The following PHF21B variants were observed in gnomAD, a reference collection of about 807,000 sequenced individuals.
The protein encoded by PHF21B is PHD finger protein 4.
A neutral mutation model predicts 62.2 loss-of-function variants in PHF21B; 22 were observed. That is an observed-to-expected ratio of 0.35 (90% CI 0.25 to 0.51). PHF21B has a LOEUF of 0.51. Ranked by LOEUF, PHF21B falls within the 20% of genes least tolerant of loss-of-function variation. The pLI, the probability that PHF21B is intolerant of heterozygous loss-of-function variation, is 0.97. For synonymous variants in PHF21B, 341 were observed against 314.7 expected, an observed-to-expected ratio of 1.08 and a Z score of -0.88; for missense variants, 701 against 707.9, an observed-to-expected ratio of 0.99 and a Z score of 0.11.
At chr22:45,006,457 C>A (rs1204670023) in intron 2 of PHF21B, among the ~76,000 whole-genome samples, 1 of 152,136 alleles carries the variant, frequency 6.6e-6, no homozygotes, top group Non-Finnish European at 1.5e-5. Flanking sequence ...AAAGGCAGCC[C>A]GGAGTCGGAG....
intron 8 of PHF21B, among the ~76,000 whole-genome samples, chr22:44,890,941 C>T (rs1304145899): frequency 2.0e-5 from 3 of 152,218 alleles, no homozygotes; most frequent in Admixed American, 6.5e-5. Flanking sequence ...GGCTGAGAGG[C>T]GCCAGCCCAG....
At position 44,957,969 on chromosome 22, in the gene PHF21B, C is replaced by A. The variant is rs528926018; in HGVS notation, c.121-37479G>T. On this transcript the variant is annotated intron_variant, in intron 2 of 12. Coordinates refer to ENST00000313237, the MANE Select transcript of PHF21B (RefSeq NM_138415.5). ...CCAGGCTGGAGTGCAATGGCGCGAT[C>A]TCGGCTCACCACAACCTCCACCTCC... Among the ~76,000 whole-genome samples the A allele has an allele frequency of 1.3e-4, 19 of 150,552 alleles. No individual in the cohort carries two copies. In the South Asian group the frequency reaches 4.0e-3, roughly 32 times the overall value.
intron 2 of PHF21B, among the ~76,000 whole-genome samples, chr22:44,964,197 C>T (rs998934779): frequency 2.0e-5 from 3 of 152,232 alleles, no homozygotes; most frequent in East Asian, 1.9e-4. Flanking sequence ...TCAATATACT[C>T]GTTAATATTA....
intron 2 of PHF21B, among the ~76,000 whole-genome samples, chr22:44,934,177 G>T (rs890900305): frequency 7.9e-5 from 12 of 152,164 alleles, no homozygotes; most frequent in Non-Finnish European, 4.4e-5. Context: ...CCTTTGCACG[G>T]GGCTCAGAGT....
intron 2 of PHF21B, among the ~76,000 whole-genome samples, chr22:44,935,284 G>A (rs1057436839): frequency 2.6e-5 from 4 of 152,162 alleles, no homozygotes; most frequent in Non-Finnish European, 5.9e-5. Context: ...TAAACAGGGA[G>A]AACTAACGTT....
At chr22:44,944,056 C>T (rs1429901083) in intron 2 of PHF21B, among the ~76,000 whole-genome samples, 1 of 152,186 alleles carries the variant, frequency 6.6e-6, no homozygotes, top group Non-Finnish European at 1.5e-5. Context: ...CCCTCCTCTA[C>T]CCTCCTGCTG....
intron 2 of PHF21B, among the ~76,000 whole-genome samples, chr22:45,004,515 GT>G (rs559340011): frequency 1.0e-3 from 152 of 152,330 alleles, no homozygotes; most frequent in Non-Finnish European, 1.4e-3. Flanking sequence ...AGCTTTTGGA[GT>G]TGTACTGATT....
At chr22:45,007,081 G>A (rs906247479) in intron 2 of PHF21B, among the ~76,000 whole-genome samples, 5 of 151,910 alleles carry the variant, frequency 3.3e-5, no homozygotes, top group African/African-American at 1.2e-4. Flanking sequence ...TCCACTCCCG[G>A]ACGGGGGCGC....
chr22:44,995,014 TC>T (rs2073097918), intron 2 of PHF21B, among the ~76,000 whole-genome samples: 1 of 152,160 alleles, frequency 6.6e-6, no homozygotes, highest in Non-Finnish European at 1.5e-5. Flanking sequence ...GCCAGCCAGG[TC>T]CCCGGCTCTC....
At chr22:44,916,993 T>G (rs1282277780) in intron 3 of PHF21B, among the ~76,000 whole-genome samples, 2 of 152,214 alleles carry the variant, frequency 1.3e-5, no homozygotes, top group African/African-American at 4.8e-5. Context: ...AAGCCCCCTT[T>G]GGCCTTGGAA....
At chr22:45,004,592 A>C (rs2073280492) in intron 2 of PHF21B, among the ~76,000 whole-genome samples, 1 of 152,202 alleles carries the variant, frequency 6.6e-6, no homozygotes, top group Non-Finnish European at 1.5e-5. Context: ...CAGAGAGATT[A>C]AAATGTACCT....
intron 2 of PHF21B, among the ~76,000 whole-genome samples, chr22:44,964,430 G>A (rs746066490): frequency 1.1e-4 from 16 of 152,278 alleles, no homozygotes; most frequent in South Asian, 4.1e-4. Context: ...GCTCAGGCCC[G>A]GCCATTTGGC....
At chr22:45,005,224 C>T (rs1051976895) in intron 2 of PHF21B, among the ~76,000 whole-genome samples, 1 of 152,238 alleles carries the variant, frequency 6.6e-6, no homozygotes, top group African/African-American at 2.4e-5. Flanking sequence ...CTTCACACAT[C>T]ATATCTTGTT....
At chr22:44,944,659 A>G (rs1317444409) in intron 2 of PHF21B, among the ~76,000 whole-genome samples, 2 of 152,296 alleles carry the variant, frequency 1.3e-5, no homozygotes, top group East Asian at 1.9e-4. Flanking sequence ...TGGTTCCTCT[A>G]TCTGCTAGAT....
chr22:44,959,900 C>T (rs975632009), intron 2 of PHF21B, among the ~76,000 whole-genome samples: 1 of 152,182 alleles, frequency 6.6e-6, no homozygotes, highest in Non-Finnish European at 1.5e-5. Context: ...CTGAGCCAAA[C>T]GTGAGGCAGC....
chr22:44,955,621 C>T (rs1231454087), intron 2 of PHF21B, among the ~76,000 whole-genome samples: 2 of 152,204 alleles, frequency 1.3e-5, no homozygotes, highest in African/African-American at 4.8e-5. Flanking sequence ...CTCCTGCTCT[C>T]AGGCCTCAGA....
At chr22:44,947,762 G>C (rs549413379) in intron 2 of PHF21B, among the ~76,000 whole-genome samples, 19 of 152,206 alleles carry the variant, frequency 1.2e-4, no homozygotes, top group Non-Finnish European at 2.4e-4. Flanking sequence ...GATGACCAGG[G>C]TGTGGCCCTG....
intron 10 of PHF21B, among the ~76,000 whole-genome samples, 156 bp downstream of exon 10, chr22:44,887,807 C>T (rs2070886616): frequency 6.6e-6 from 1 of 151,494 alleles, no homozygotes; most frequent in African/African-American, 2.4e-5. Flanking sequence ...AGTTCCTCAA[C>T]CAAGGATTAT....
At chr22:44,987,114 T>G (rs991780941) in intron 2 of PHF21B, among the ~76,000 whole-genome samples, 1 of 152,158 alleles carries the variant, frequency 6.6e-6, no homozygotes, top group African/African-American at 2.4e-5. Context: ...TAGCTAAACT[T>G]GAGACAAACA....
Sources: gnomAD v4.1 joint callset for allele counts (sites outside exome capture counted in the v4.1 genomes callset) on GRCh38, gnomAD v4.1.1 for gene constraint, MANE v1.5 for transcripts, NCBI Gene and HGNC (gene_info 2026-07-23, HGNC 2026-07-21) for gene names.